The following TMEM132D variants were observed in gnomAD, a reference collection of about 807,000 sequenced individuals.
TMEM132D encodes mature OL transmembrane protein.
TMEM132D carries 21 observed loss-of-function variants against 62.3 expected under a neutral mutation model. That is an observed-to-expected ratio of 0.34 (90% CI 0.24 to 0.49). The LOEUF is 0.49. Ranked by LOEUF, TMEM132D falls within the 20% of genes least tolerant of loss-of-function variation. The pLI is 0.99. For synonymous variants in TMEM132D, 621 were observed against 575.6 expected, an observed-to-expected ratio of 1.08 and a Z score of -1.13; for missense variants, 1,346 against 1,402.8, an observed-to-expected ratio of 0.96 and a Z score of 0.65.
intron 2 of TMEM132D, among the ~76,000 whole-genome samples, chr12:129,543,503 C>T (rs1158141366): frequency 6.6e-6 from 1 of 152,174 alleles, no homozygotes; most frequent in Non-Finnish European, 1.5e-5. Flanking sequence ...ATGCATTCTA[C>T]ACTCTACCTA....
intron 3 of TMEM132D, among the ~76,000 whole-genome samples, chr12:129,526,504 C>T (rs1212381783): frequency 2.6e-5 from 4 of 152,060 alleles, no homozygotes; most frequent in Non-Finnish European, 5.9e-5. Flanking sequence ...AGGATGGTCT[C>T]GAACTCCTGA....
intron 4 of TMEM132D, among the ~76,000 whole-genome samples, chr12:129,290,513 G>A (rs1382196808): frequency 6.6e-6 from 1 of 152,134 alleles, no homozygotes; most frequent in Admixed American, 6.6e-5. Context: ...AGAAAAGTAA[G>A]TTGCAAAACA....
In TMEM132D at chr12:129,126,604, T is replaced by TG. The variant is rs1429835797; in HGVS notation, c.1444-41903dup. Among the ~76,000 whole-genome samples the TG allele has an allele frequency of 2.6e-5, 4 of 151,866 alleles. No homozygotes were observed. In the East Asian group the frequency reaches 5.8e-4, roughly 22 times the overall value. On this transcript the variant is annotated intron_variant, in intron 5 of 8. Transcript: ENST00000422113. ...CAAAAATATGCCTGTGCCATCAGGG[T>TG]GGGGGGTGAATGGTATGGGAATAAA...
At position 129,074,559 on chromosome 12, in the gene TMEM132D, T is replaced by C. The variant is rs1307941945; in HGVS notation, c.2616A>G (p.Leu872=). The C allele has an allele frequency of 6.2e-7, 1 of 1,614,002 alleles. No individual in the cohort carries two copies. Residue 872 remains leucine (L), a synonymous_variant, in exon 9 of 9, where the codon TTA becomes TTG. Transcript: ENST00000422113. ...TGGTCTGCAAGTGGCTGTTGTCATC[T>C]AAAAGGCTTTCCTGGCCTTTCTTCT... ...LQKKKGQESL[L]DDNSHLQTIP...
chr12:129,153,385 C>T (rs1007046931), intron 5 of TMEM132D, among the ~76,000 whole-genome samples: 2 of 151,640 alleles, frequency 1.3e-5, no homozygotes, highest in African/African-American at 4.8e-5. Context: ...TGAGAGATTG[C>T]GGGCCTAAAT....
At chr12:129,769,009 T>C (rs1371393014) in intron 1 of TMEM132D, among the ~76,000 whole-genome samples, 1 of 152,052 alleles carries the variant, frequency 6.6e-6, no homozygotes, top group Admixed American at 6.5e-5. Context: ...TCAAGTACAG[T>C]AGGATTGGTG....
intron 5 of TMEM132D, among the ~76,000 whole-genome samples, chr12:129,174,204 C>A (rs928686688): frequency 1.3e-5 from 2 of 152,062 alleles, no homozygotes. Flanking sequence ...CACTTATTAA[C>A]CCGTCCTCTA....
intron 3 of TMEM132D, among the ~76,000 whole-genome samples, chr12:129,391,662 T>C (rs1871293314): frequency 6.6e-6 from 1 of 152,214 alleles, no homozygotes; most frequent in Admixed American, 6.5e-5. Context: ...AGCAGTGCTT[T>C]AAAAACAAAA....
In TMEM132D at chr12:129,718,641, T is replaced by C. The variant is rs114183148; in HGVS notation, c.80-17943A>G. Among the ~76,000 whole-genome samples, 1,317 of 152,304 alleles carry C rather than the reference T, an allele frequency of 8.6e-3. 23 individuals carry two copies. Among genetic ancestry groups the C allele is most frequent in the African/African-American group, 0.03 (1,247 of 41,558 alleles). The stretch of plus-strand genomic sequence containing the variant: ...AAATGTCAGACACTTTGATTTATTA[T>C]GTTATTCAATGCTCACCATGATACT... On this transcript the variant is annotated intron_variant, in intron 1 of 8. Transcript: ENST00000422113.
rs536584138 is a variant in TMEM132D, at chr12:129,573,822, T to C, written c.969-42617A>G. ...TGGATGAGTCTCAGGATATTCCGTGTGAAAGAAGTGTTACACAGAAGCGTG... is the reference window on the plus strand; with the variant it reads ...TGGATGAGTCTCAGGATATTCCGTGCGAAAGAAGTGTTACACAGAAGCGTG... On this transcript the variant is annotated intron_variant, in intron 2 of 8. Transcript: ENST00000422113. Among the ~76,000 whole-genome samples, 8 of 149,722 alleles carry C rather than the reference T, an allele frequency of 5.3e-5. No homozygotes were observed. The South Asian group carries it at 6.2e-4, about 12-fold the overall frequency.
intron 1 of TMEM132D, among the ~76,000 whole-genome samples, chr12:129,837,490 C>T (rs896841908): frequency 1.6e-4 from 25 of 152,148 alleles, no homozygotes; most frequent in African/African-American, 4.1e-4. Context: ...ACAAAAGACA[C>T]GCACATACAC....
chr12:129,142,312 C>A (rs1876768635), intron 5 of TMEM132D, among the ~76,000 whole-genome samples: 1 of 152,136 alleles, frequency 6.6e-6, no homozygotes, highest in African/African-American at 2.4e-5. Context: ...CCCTGATTCT[C>A]TGGATAAGAT....
At chr12:129,157,365 C>A (rs1361464222) in intron 5 of TMEM132D, among the ~76,000 whole-genome samples, 1 of 152,240 alleles carries the variant, frequency 6.6e-6, no homozygotes, top group Non-Finnish European at 1.5e-5. Flanking sequence ...TAGAGCACAT[C>A]CTATTATTTT....
At chr12:129,683,314 G>C in intron 2 of TMEM132D, among the ~76,000 whole-genome samples, 1 of 152,056 alleles carries the variant, frequency 6.6e-6, no homozygotes, top group Non-Finnish European at 1.5e-5. Flanking sequence ...AACCTTTTTT[G>C]TATTTCAGTT....
intron 1 of TMEM132D, among the ~76,000 whole-genome samples, chr12:129,719,491 GTTC>G (rs1281908443): frequency 6.6e-6 from 1 of 152,188 alleles, no homozygotes; most frequent in Non-Finnish European, 1.5e-5. Context: ...TGTCTATAAA[GTTC>G]TGAATTCATA....
chr12:129,634,457 G>A (rs970828153), intron 2 of TMEM132D, among the ~76,000 whole-genome samples: 7 of 140,068 alleles, frequency 5.0e-5, no homozygotes, highest in Admixed American at 1.5e-4. Flanking sequence ...CTATGTGAAA[G>A]AGTGAAACCT....
chr12:129,748,735 ATG>A (rs1399634897), intron 1 of TMEM132D, among the ~76,000 whole-genome samples: 1 of 152,214 alleles, frequency 6.6e-6, no homozygotes, highest in East Asian at 1.9e-4. Context: ...GGCTGCAGAT[ATG>A]TGTGATTTGA....
At chr12:129,274,405 C>G (rs905964019) in intron 4 of TMEM132D, among the ~76,000 whole-genome samples, 10 of 152,104 alleles carry the variant, frequency 6.6e-5, no homozygotes, top group African/African-American at 2.4e-4. Context: ...GTCTTCTCTC[C>G]CCGATTCCAG....
chr12:129,456,316 C>T (rs566699173), intron 3 of TMEM132D, among the ~76,000 whole-genome samples: 21 of 152,262 alleles, frequency 1.4e-4, no homozygotes, highest in African/African-American at 4.8e-4. Context: ...GCTGTTACCA[C>T]CAATTTTATC....
Sources: allele counts gnomAD v4.1 joint callset (sites outside exome capture counted in the v4.1 genomes callset), GRCh38; gene constraint gnomAD v4.1.1; transcripts MANE v1.5; gene names NCBI Gene and HGNC (gene_info 2026-07-23, HGNC 2026-07-21).